PLD5: variants seen among roughly 807,000 people sequenced by gnomAD.
PLD5 encodes the protein phospholipase D family member 5, also known as inactive phospholipase D5.
In PLD5, 36 loss-of-function variants were observed where a neutral mutation model predicts 61.1. The observed-to-expected ratio is 0.59, with a 90% CI of 0.45 to 0.78. PLD5 has a LOEUF of 0.78. Ranked by LOEUF, PLD5 falls within the 30% of genes least tolerant of loss-of-function variation. PLD5 has a pLI of 0.00. For synonymous variants in PLD5, 243 were observed against 242.8 expected (o/e 1.00, Z -0.01); for missense variants, 515 against 644.4 (o/e 0.80, Z 2.17).
At chr1:242,361,169 G>A (rs1169662550) in intron 1 of PLD5, among the ~76,000 whole-genome samples, 1 of 151,988 alleles carries the variant, frequency 6.6e-6, no homozygotes, top group Non-Finnish European at 1.5e-5. Context: ...ACTTCTATTA[G>A]TTTAATTTTA....
intron 1 of PLD5, among the ~76,000 whole-genome samples, chr1:242,483,095 T>C (rs1477874082): frequency 6.6e-6 from 1 of 152,166 alleles, no homozygotes; most frequent in African/African-American, 2.4e-5. Context: ...TACCAGCCAC[T>C]GCAAAAACAT....
At chr1:242,454,990 C>T (rs574457325) in intron 1 of PLD5, among the ~76,000 whole-genome samples, 1 of 152,282 alleles carries the variant, frequency 6.6e-6, no homozygotes, top group Non-Finnish European at 1.5e-5. Flanking sequence ...GGGTATAGTT[C>T]TCCAGCTTTT....
intron 5 of PLD5, among the ~76,000 whole-genome samples, chr1:242,176,497 A>G (rs1273083460): frequency 2.0e-5 from 3 of 152,230 alleles, no homozygotes; most frequent in Admixed American, 1.3e-4. Flanking sequence ...AAGAAAACCT[A>G]GGCAATACCA....
rs550932801 is a variant in PLD5 at position 242,098,493 on chromosome 1, C to T, written c.1354+2175G>A. Among the ~76,000 whole-genome samples, 234 of 152,290 alleles carry T rather than the reference C, an allele frequency of 1.5e-3. 1 individual carries two copies. Among genetic ancestry groups the T allele is most frequent in the African/African-American group, 5.4e-3 (223 of 41,572 alleles). ...TTTTCAAGGTTTTTAACTCCTTTGC[C>T]ATGGGTTCGAACTTCCTACTTTAGC... On this transcript the variant is annotated intron_variant, in intron 9 of 9. Transcript: ENST00000536534.
chr1:242,342,764 G>A (rs377373489), intron 2 of PLD5, among the ~76,000 whole-genome samples: 1 of 151,270 alleles, frequency 6.6e-6, no homozygotes, highest in East Asian at 1.9e-4. Context: ...AAAAAAAAAG[G>A]TCATTTACTG....
At chr1:242,269,249 G>T (rs1673903552) in intron 3 of PLD5, among the ~76,000 whole-genome samples, 2 of 152,098 alleles carry the variant, frequency 1.3e-5, no homozygotes, top group South Asian at 4.1e-4. Context: ...CAACATTTCA[G>T]ACTTAGATAA....
chr1:242,344,260 C>T (rs1218989006), intron 2 of PLD5, among the ~76,000 whole-genome samples: 1 of 152,184 alleles, frequency 6.6e-6, no homozygotes, highest in African/African-American at 2.4e-5. Context: ...CACCTACAGC[C>T]TACCGAAGCC....
At chr1:242,499,029 C>A (rs1185528350) in intron 1 of PLD5, among the ~76,000 whole-genome samples, 1 of 151,988 alleles carries the variant, frequency 6.6e-6, no homozygotes, top group Non-Finnish European at 1.5e-5. Context: ...TGTATGCTAC[C>A]AAATTAGTGG....
At chr1:242,170,739 C>A (rs1028885324) in intron 5 of PLD5, among the ~76,000 whole-genome samples, 1 of 151,984 alleles carries the variant, frequency 6.6e-6, no homozygotes, top group African/African-American at 2.4e-5. Flanking sequence ...AAAAACACAG[C>A]GTGAGAACTT....
Position 242,113,334 on chromosome 1 carries a change from C to T in PLD5, c.1070+556G>A, listed in dbSNP as rs193069324. On this transcript the variant is annotated intron_variant, in intron 7 of 9. Coordinates refer to ENST00000536534, the MANE Select transcript of PLD5 (RefSeq NM_001372062.1). ...GGTCTCGATCTCCTGACCTCGTGATCCGCCCGCCTCGGCCTCCCAAAGTGC... is the reference window on the plus strand; with the variant it reads ...GGTCTCGATCTCCTGACCTCGTGATTCGCCCGCCTCGGCCTCCCAAAGTGC... Among the ~76,000 whole-genome samples the T allele has an allele frequency of 3.6e-3, 555 of 152,174 alleles. 3 individuals are homozygous for T. Among genetic ancestry groups the T allele is most frequent in the Non-Finnish European group, 6.5e-3 (439 of 67,984 alleles).
At chr1:242,190,138 CT>C (rs902616187) in intron 5 of PLD5, among the ~76,000 whole-genome samples, 498 of 74,366 alleles carry the variant, frequency 6.7e-3, no homozygotes, top group African/African-American at 0.024. Context: ...GACAGGACTC[CT>C]TTTTTTTTTT....
intron 4 of PLD5, among the ~76,000 whole-genome samples, chr1:242,244,348 T>C (rs1011125963): frequency 1.3e-5 from 2 of 152,168 alleles, no homozygotes; most frequent in Non-Finnish European, 2.9e-5. Context: ...TCCCTGTTCA[T>C]GGGACAAATA....
In PLD5 at chr1:242,085,212, T is replaced by C. The variant is rs2148630938; in HGVS notation, c.*4642A>G. ...AGTAGTTGAACATAGCAAAAGAAAA[T>C]GTGTAATAGTCTATTAAATGTAACT... On this transcript the variant is annotated 3_prime_UTR_variant, in exon 10 of 10. Transcript: ENST00000536534. The C allele has an allele frequency of 6.6e-6, 1 of 152,206 alleles. No individual in the cohort carries two copies. The highest frequency in any genetic ancestry group is 2.1e-4 in the South Asian group (1 of 4,822). 9.4% of individuals were successfully genotyped at this position (152,206 alleles called of 1,614,324 possible). A position where few individuals can be genotyped will look rare whatever the true frequency, so the allele number is the denominator to read the frequency against.
upstream of PLD5, among the ~76,000 whole-genome samples, chr1:242,526,782 A>G (rs537099032): frequency 1.3e-5 from 2 of 152,328 alleles, no homozygotes; most frequent in Admixed American, 6.5e-5. Flanking sequence ...TTTAGCCTCC[A>G]TAGCTTATGC....
At chr1:242,343,340 T>C (rs1455071626) in intron 2 of PLD5, among the ~76,000 whole-genome samples, 1 of 152,104 alleles carries the variant, frequency 6.6e-6, no homozygotes, top group African/African-American at 2.4e-5. Flanking sequence ...AGATAACACA[T>C]TGGACTTCAG....
At chr1:242,197,114 C>T (rs761010747) in intron 5 of PLD5, among the ~76,000 whole-genome samples, 5 of 152,192 alleles carry the variant, frequency 3.3e-5, no homozygotes, top group African/African-American at 9.6e-5. Context: ...TACGGGACAA[C>T]GAGGAACCCA....
intron 2 of PLD5, among the ~76,000 whole-genome samples, chr1:242,328,559 GA>G (rs1658969594): frequency 6.6e-6 from 1 of 152,152 alleles, no homozygotes; most frequent in Non-Finnish European, 1.5e-5. Context: ...CATATATAGA[GA>G]ACAGTTATAT....
chr1:242,521,208 A>T (rs1176168162), intron 1 of PLD5, among the ~76,000 whole-genome samples: 34 of 152,228 alleles, frequency 2.2e-4, no homozygotes, highest in Admixed American at 2.2e-3. Context: ...GTAAGTGTTC[A>T]TCTTAAGTGT....
intron 1 of PLD5, among the ~76,000 whole-genome samples, chr1:242,461,318 T>C (rs999975120): frequency 5.9e-5 from 9 of 152,182 alleles, no homozygotes; most frequent in African/African-American, 1.2e-4. Flanking sequence ...ATATTTTATA[T>C]TGATTTATTC....
Sources: allele counts gnomAD v4.1 joint callset (sites outside exome capture counted in the v4.1 genomes callset), GRCh38; gene constraint gnomAD v4.1.1; transcripts MANE v1.5; gene names NCBI Gene and HGNC (gene_info 2026-07-23, HGNC 2026-07-21).